FER: variants seen among roughly 807,000 people sequenced by gnomAD.
FER encodes FER tyrosine kinase, also known as tyrosine-protein kinase Fer.
Under a neutral mutation model 111.0 loss-of-function variants are expected in FER, and 63 were observed. That is an observed-to-expected ratio of 0.57 (90% CI 0.46 to 0.70). FER has a LOEUF of 0.70. Among genes scored for constraint, FER ranks in the 30% least tolerant of loss-of-function variants. The pLI, the probability that FER is intolerant of heterozygous loss-of-function variation, is 0.00. For synonymous variants in FER, 327 were observed against 313.9 expected, an observed-to-expected ratio of 1.04 and a Z score of -0.44; for missense variants, 914 against 954.0, an observed-to-expected ratio of 0.96 and a Z score of 0.55.
intron 10 of FER, among the ~76,000 whole-genome samples, chr5:108,939,697 T>A (rs1755998663): frequency 6.6e-6 from 1 of 152,020 alleles, no homozygotes; most frequent in Non-Finnish European, 1.5e-5. Context: ...ATAACCACCA[T>A]CTTTCTTTAT....
chr5:108,755,042 A>G (rs1283220396), intron 1 of FER, among the ~76,000 whole-genome samples: 1 of 152,230 alleles, frequency 6.6e-6, no homozygotes, highest in Non-Finnish European at 1.5e-5. Flanking sequence ...ATGCAGTCAA[A>G]TTTAATGGAA....
At chr5:109,037,112 A>G (rs2149880515) in intron 13 of FER, among the ~76,000 whole-genome samples, 1 of 152,190 alleles carries the variant, frequency 6.6e-6, no homozygotes, top group African/African-American at 2.4e-5. Flanking sequence ...GAAATGACAA[A>G]TAATAGCATA....
At chr5:108,748,066 T>C (rs1205223867) in intron 1 of FER, 66 bp downstream of exon 1, 1 of 152,222 alleles carries the variant, frequency 6.6e-6, no homozygotes, top group African/African-American at 2.4e-5. Flanking sequence ...CCATTACAAT[T>C]CCAGCATTGA....
intron 10 of FER, among the ~76,000 whole-genome samples, chr5:108,928,213 T>C (rs886548614): frequency 5.3e-5 from 8 of 152,226 alleles, no homozygotes; most frequent in Non-Finnish European, 8.8e-5. Context: ...AGAAGAATTC[T>C]AGTGCATCAA....
At chr5:109,102,804 G>A (rs1348438697) in intron 17 of FER, among the ~76,000 whole-genome samples, 1 of 151,494 alleles carries the variant, frequency 6.6e-6, no homozygotes, top group Non-Finnish European at 1.5e-5. Flanking sequence ...TTTCATTTTA[G>A]TACTTCACCA....
intron 5 of FER, among the ~76,000 whole-genome samples, chr5:108,864,098 G>A (rs557580469): frequency 3.3e-5 from 5 of 152,126 alleles, no homozygotes; most frequent in Non-Finnish European, 7.4e-5. Context: ...GTAACATTTT[G>A]TTAAAAACTT....
rs1010677916 is a variant in FER, at chr5:108,898,277, A to T, written c.1236+429A>T. 3.9e-5 allele frequency among the ~76,000 whole-genome samples: 6 copies of T among 152,044 alleles called. 1 individual carries two copies. Among genetic ancestry groups the T allele is most frequent in the African/African-American group, 9.7e-5 (4 of 41,412 alleles). ...TACAAAATATTGATTTAGTTTAAGAATTTTTTTTCTGCTCATAAATGTGAC... is the reference window on the plus strand; with the variant it reads ...TACAAAATATTGATTTAGTTTAAGATTTTTTTTTCTGCTCATAAATGTGAC... On this transcript the variant is annotated intron_variant, in intron 10 of 19. Transcript: ENST00000281092.
At chr5:108,921,145 A>C (rs141649192) in intron 10 of FER, among the ~76,000 whole-genome samples, 64 of 152,220 alleles carry the variant, frequency 4.2e-4, no homozygotes, top group African/African-American at 1.5e-3. Context: ...CCCTGTCATC[A>C]TTATTTATCC....
chr5:108,826,426 T>C (rs993864774), intron 3 of FER, among the ~76,000 whole-genome samples: 1 of 152,224 alleles, frequency 6.6e-6, no homozygotes, highest in Admixed American at 6.5e-5. Context: ...AATTTATTTT[T>C]ATTTTTTGTA....
At chr5:109,076,152 CA>C (rs567682635) in intron 16 of FER, among the ~76,000 whole-genome samples, 3 of 151,590 alleles carry the variant, frequency 2.0e-5, no homozygotes, top group South Asian at 4.2e-4. Context: ...GAATTTATAT[CA>C]AAAAAATTAT....
At chr5:108,754,770 C>G (rs1750896725) in intron 1 of FER, among the ~76,000 whole-genome samples, 1 of 152,132 alleles carries the variant, frequency 6.6e-6, no homozygotes, top group South Asian at 2.1e-4. Flanking sequence ...TATATTGGGA[C>G]TCATGGTTTT....
chr5:109,131,580 A>G (rs773533204), intron 17 of FER, among the ~76,000 whole-genome samples: 5 of 152,066 alleles, frequency 3.3e-5, no homozygotes, highest in African/African-American at 4.8e-5. Context: ...TTTTCTTTTA[A>G]TATTTCAATT....
chr5:109,108,201 A>G (rs1171293531), intron 17 of FER, among the ~76,000 whole-genome samples: 1 of 152,120 alleles, frequency 6.6e-6, no homozygotes, highest in Admixed American at 6.6e-5. Flanking sequence ...TTTAATCTAC[A>G]TTTCATAATG....
chr5:108,819,956 T>C (rs867748079), intron 3 of FER: 15 of 985,052 alleles, frequency 1.5e-5, no homozygotes, highest in South Asian at 1.4e-4. Context: ...TAAAAAAATA[T>C]TGAGCTGATG....
chr5:109,180,138 T>C (rs1272659032), intron 17 of FER, among the ~76,000 whole-genome samples: 2 of 152,068 alleles, frequency 1.3e-5, no homozygotes, highest in African/African-American at 2.4e-5. Context: ...ATATTAATGA[T>C]AGGGAGACTG....
At chr5:109,169,607 T>C (rs1269504485) in intron 17 of FER, among the ~76,000 whole-genome samples, 1 of 152,202 alleles carries the variant, frequency 6.6e-6, no homozygotes, top group Non-Finnish European at 1.5e-5. Flanking sequence ...TTACTTCTTT[T>C]GAATTCCTAT....
chr5:109,157,912 T>C (rs1032152985), intron 17 of FER, among the ~76,000 whole-genome samples: 1 of 152,156 alleles, frequency 6.6e-6, no homozygotes, highest in Non-Finnish European at 1.5e-5. Flanking sequence ...GACAAAGCTA[T>C]GATTACTATT....
At chr5:109,168,104 A>G (rs1756743236) in intron 17 of FER, among the ~76,000 whole-genome samples, 1 of 152,182 alleles carries the variant, frequency 6.6e-6, no homozygotes, top group Non-Finnish European at 1.5e-5. Context: ...TAGGAGACAT[A>G]TTCATACAAT....
chr5:109,011,390 T>G (rs1314238962), intron 13 of FER, among the ~76,000 whole-genome samples: 1 of 152,246 alleles, frequency 6.6e-6, no homozygotes, highest in Non-Finnish European at 1.5e-5. Context: ...ATTAGTGAGA[T>G]AAGGTACTTT....
Sources: allele counts gnomAD v4.1 joint callset (sites outside exome capture counted in the v4.1 genomes callset), GRCh38; gene constraint gnomAD v4.1.1; transcripts MANE v1.5; gene names NCBI Gene and HGNC (gene_info 2026-07-23, HGNC 2026-07-21).